The following ARHGEF9 variants were observed in gnomAD, a reference collection of about 807,000 sequenced individuals.
The protein encoded by ARHGEF9 is Cdc42 guanine nucleotide exchange factor 9, also known as rho guanine nucleotide exchange factor 9.
Under a neutral mutation model 41.3 loss-of-function variants are expected in ARHGEF9, and 2 were observed. The ratio of observed to expected loss-of-function variants is 0.05; its 90% CI spans 0.02 to 0.15. ARHGEF9 has a LOEUF of 0.15. ARHGEF9 is among the 10% of genes least tolerant of loss of function. The pLI is 1.00. For missense variants in ARHGEF9, 225 were observed against 424.7 expected (o/e 0.53, Z 4.13); for synonymous variants, 160 against 154.4 (o/e 1.04, Z -0.27).
intron 2 of ARHGEF9, among the ~76,000 whole-genome samples, chrX:63,719,128 G>T (rs2053496163): frequency 1.8e-5 from 2 of 112,007 alleles, no homozygotes. Flanking sequence ...ACAGGGGAGA[G>T]AAATAGCCAT....
At chrX:63,661,063 C>A in intron 7 of ARHGEF9, among the ~76,000 whole-genome samples, 1 of 111,862 alleles carries the variant, frequency 8.9e-6, no homozygotes. Context: ...AAAGAACTGG[C>A]CAATGGTTAG....
chrX:63,785,045 T>C, intron 1 of ARHGEF9, 71 bp downstream of exon 1: 1 of 1,126,641 alleles, frequency 8.9e-7, no homozygotes, highest in Non-Finnish European at 1.2e-6. Flanking sequence ...TGTGGCTCGT[T>C]GGAGGAACTG....
At chrX:63,705,504 G>A (rs1180641515) in intron 3 of ARHGEF9, among the ~76,000 whole-genome samples, 2 of 110,323 alleles carry the variant, frequency 1.8e-5, no homozygotes, top group Non-Finnish European at 3.8e-5. Context: ...AAGCTTAAGA[G>A]AGTACGAGAG....
At chrX:63,755,314 C>T in intron 1 of ARHGEF9, 1 of 802,164 alleles carries the variant, frequency 1.2e-6, no homozygotes, top group African/African-American at 2.1e-5. Context: ...GGCTCCCAAG[C>T]AAGCTCGCTC....
intron 1 of ARHGEF9, among the ~76,000 whole-genome samples, chrX:63,774,393 C>T (rs1556456924): frequency 1.8e-5 from 2 of 111,387 alleles, no homozygotes; most frequent in Non-Finnish European, 3.8e-5. Flanking sequence ...AAATGCAACC[C>T]CTCTCCTTTT....
chrX:63,716,292 GA>G lies in ARHGEF9; in HGVS notation c.210+8239del, dbSNP rs782513994. 3.0e-3 allele frequency among the ~76,000 whole-genome samples: 267 copies of G among 89,202 alleles called. 3 individuals carry two copies. The highest frequency in any genetic ancestry group is 2.1e-3 in the Admixed American group (17 of 8,183). The allele number at this position is 89,202 out of a possible 115,157, so 77.5% of individuals were successfully genotyped here. ...CAAAAGCATAAGATCCTGTCTCAAA[GA>G]AAAAAAAAAAAAGAAGAAGAAATTA... On this transcript the variant is annotated intron_variant, in intron 2 of 9. Coordinates refer to ENST00000671741, the MANE Select transcript of ARHGEF9 (RefSeq NM_001353921.2).
At chrX:63,727,689 T>G (rs782200105) in intron 1 of ARHGEF9, 2 of 111,767 alleles carry the variant, frequency 1.8e-5, no homozygotes, top group Non-Finnish European at 3.8e-5. Context: ...TAGCTAAAGG[T>G]GTAATGATAA....
chrX:63,740,535 A>T (rs1447862038), intron 1 of ARHGEF9, among the ~76,000 whole-genome samples: 2 of 112,389 alleles, frequency 1.8e-5, no homozygotes, highest in African/African-American at 3.2e-5. Context: ...AGCAAGTAAG[A>T]CTCAGACAGC....
intron 3 of ARHGEF9, among the ~76,000 whole-genome samples, chrX:63,702,693 A>G (rs1471563651): frequency 8.9e-6 from 1 of 112,004 alleles, no homozygotes; most frequent in African/African-American, 3.2e-5. Context: ...CTACAGAAAG[A>G]GTGGTTTATG....
chrX:63,695,143 T>C (rs1481775490), intron 4 of ARHGEF9, among the ~76,000 whole-genome samples: 1 of 111,908 alleles, frequency 8.9e-6, no homozygotes, highest in African/African-American at 3.3e-5. Flanking sequence ...TTTTTGGTTG[T>C]CACAACTGGG....
chrX:63,682,443 A>G (rs1312140165), intron 4 of ARHGEF9, among the ~76,000 whole-genome samples: 1 of 109,488 alleles, frequency 9.1e-6, no homozygotes, highest in Non-Finnish European at 1.9e-5. Flanking sequence ...TGAACCCAGG[A>G]GGTGGAGCTT....
In ARHGEF9 at chrX:63,763,590, T is replaced by C. The variant is rs782568687; in HGVS notation, c.30+21526A>G. ...TGAGATCCAACCTTAGTTCTTCCAGTTGCTAGTTGTGAGAACTTGAACAAC... is the reference window on the plus strand; with the variant it reads ...TGAGATCCAACCTTAGTTCTTCCAGCTGCTAGTTGTGAGAACTTGAACAAC... On this transcript the variant is annotated intron_variant, in intron 1 of 9. Transcript: ENST00000671741. 1.4e-4 allele frequency among the ~76,000 whole-genome samples: 15 copies of C among 109,762 alleles called. No homozygotes were observed. The East Asian group carries it at 4.0e-3, about 29-fold the overall frequency.
chrX:63,637,882 CTG>C lies in ARHGEF9; in HGVS notation c.*144_*145del, dbSNP rs1318115275. The C allele has an allele frequency of 0.037, 8,154 of 220,066 alleles. No homozygotes were observed. Among genetic ancestry groups the C allele is most frequent in the Middle Eastern group, 0.046 (33 of 717 alleles). The allele number at this position is 220,066 out of a possible 1,213,427, so 18.1% of individuals were successfully genotyped here. A position where few individuals can be genotyped will look rare whatever the true frequency, so the allele number is the denominator to read the frequency against. On this transcript the variant is annotated 3_prime_UTR_variant, in exon 10 of 10. Coordinates refer to ENST00000671741, the MANE Select transcript of ARHGEF9 (RefSeq NM_001353921.2). ...TGTGTGTGTGTGTGTGTGTGTGTGT[CTG>C]TGTGTGTGTGTGTGTATGTGTACTC...
At chrX:63,765,937 T>G (rs782011217) in intron 1 of ARHGEF9, among the ~76,000 whole-genome samples, 9 of 111,913 alleles carry the variant, frequency 8.0e-5, no homozygotes, top group Non-Finnish European at 1.5e-4. Context: ...ACTGGGCTTT[T>G]TATCACATAT....
At chrX:63,769,654 A>C (rs1348354413) in intron 1 of ARHGEF9, among the ~76,000 whole-genome samples, 1 of 111,533 alleles carries the variant, frequency 9.0e-6, no homozygotes, top group Non-Finnish European at 1.9e-5. Flanking sequence ...TGCTGTATTC[A>C]ATCTAGGGAC....
chrX:63,650,584 A>T (rs1399904042), intron 8 of ARHGEF9, among the ~76,000 whole-genome samples: 2 of 110,663 alleles, frequency 1.8e-5, no homozygotes, highest in African/African-American at 6.6e-5. Context: ...TTGTGATAGG[A>T]CAGTAGGGAA....
chrX:63,684,630 TG>T (rs1469045333), intron 4 of ARHGEF9, among the ~76,000 whole-genome samples: 1 of 111,220 alleles, frequency 9.0e-6, no homozygotes, highest in African/African-American at 3.3e-5. Flanking sequence ...GCAAACAAAG[TG>T]TCCATTAATG....
chrX:63,729,757 A>ACATTTAGTGCTTCC (rs1255113099), intron 1 of ARHGEF9, among the ~76,000 whole-genome samples: 1 of 111,949 alleles, frequency 8.9e-6, no homozygotes, highest in Non-Finnish European at 1.9e-5. Context: ...CAGAGGAAGC[A>ACATTTAGTGCTTCC]CTAAATATAG....
chrX:63,635,175 C>T lies in ARHGEF9; in HGVS notation c.*2853G>A. The T allele has an allele frequency of 2.9e-6, 1 of 339,944 alleles. No homozygotes were observed. 28.0% of individuals were successfully genotyped at this position (339,944 alleles called of 1,213,427 possible). ...CTGTTGCCCATCCATCCACCCCAGC[C>T]CACCCCATCCCCAAAGCACTAAAAG... is the stretch of plus-strand genomic sequence containing the variant. On this transcript the variant is annotated 3_prime_UTR_variant, in exon 10 of 10. Coordinates refer to ENST00000671741, the MANE Select transcript of ARHGEF9 (RefSeq NM_001353921.2).
Sources: allele counts gnomAD v4.1 joint callset (sites outside exome capture counted in the v4.1 genomes callset), GRCh38; gene constraint gnomAD v4.1.1; transcripts MANE v1.5; gene names NCBI Gene and HGNC (gene_info 2026-07-23, HGNC 2026-07-21).